The following RELCH variants were observed in gnomAD, a reference collection of about 807,000 sequenced individuals.
RELCH encodes the protein RAB11-binding protein RELCH.
A neutral mutation model predicts 150.3 loss-of-function variants in RELCH; 41 were observed. That is an observed-to-expected ratio of 0.27 (90% CI 0.21 to 0.35). The LOEUF (loss-of-function observed/expected upper bound fraction) is 0.35, where lower values mean the gene tolerates loss of function less well. RELCH is among the 10% of genes least tolerant of loss of function. The pLI, the probability that RELCH is intolerant of heterozygous loss-of-function variation, is 1.00. For synonymous variants in RELCH, 478 were observed against 531.8 expected, an observed-to-expected ratio of 0.90 and a Z score of 1.39; for missense variants, 1,092 against 1,467.8, an observed-to-expected ratio of 0.74 and a Z score of 4.18.
chr18:62,296,308 C>T (rs1296265607), intron 27 of RELCH, among the ~76,000 whole-genome samples: 2 of 152,194 alleles, frequency 1.3e-5, no homozygotes, highest in Non-Finnish European at 2.9e-5. Context: ...CAATTGGCAG[C>T]CAGGCGTGGT....
chr18:62,246,454 T>C (rs551245565), intron 11 of RELCH: 1 of 152,290 alleles, frequency 6.6e-6, no homozygotes, highest in Non-Finnish European at 1.5e-5. Context: ...TAGTGATAGG[T>C]TGACATTTCT....
chr18:62,247,896 G>C (rs746481330), intron 11 of RELCH, among the ~76,000 whole-genome samples: 6 of 152,082 alleles, frequency 3.9e-5, no homozygotes, highest in Non-Finnish European at 5.9e-5. Flanking sequence ...CCATTTGCAG[G>C]ATTGAAGGAT....
intron 28 of RELCH, among the ~76,000 whole-genome samples, chr18:62,301,689 C>G (rs1236488939): frequency 1.3e-5 from 2 of 152,100 alleles, no homozygotes; most frequent in African/African-American, 4.8e-5. Context: ...GGTGCTAATG[C>G]TGCAGGTCTA....
chr18:62,275,479 TCAAC>T lies in RELCH; in HGVS notation c.2967+7_2967+10del. On this transcript the variant is annotated splice_region_variant and intron_variant, in intron 22 of 28. Coordinates refer to ENST00000644646, the MANE Select transcript of RELCH (RefSeq NM_001346231.2). ...CTGCTGCTAGAATGTTTGAGGTATG[TCAAC>T]ACATGCCTCTGTTGGTTTCAATTAT... is the stretch of plus-strand genomic sequence containing the variant. The T allele has an allele frequency of 6.5e-7, 1 of 1,546,058 alleles. No individual in the cohort carries two copies. The highest frequency in any genetic ancestry group is 8.9e-7 in the Non-Finnish European group (1 of 1,118,850).
rs2045743294 is a variant in RELCH at position 62,303,206 on chromosome 18, G to C, written c.3531-2208G>C. Among the ~76,000 whole-genome samples the C allele has an allele frequency of 2.0e-5, 3 of 152,048 alleles. No homozygotes were observed. In the South Asian group the frequency reaches 6.2e-4, roughly 32 times the overall value. On this transcript the variant is annotated intron_variant, in intron 28 of 28. Transcript: ENST00000644646. The stretch of plus-strand genomic sequence containing the variant: ...GAAAAGCTTTGTAGTATAGACCTGG[G>C]CCTCCTACCTCAGATGGAAAGAATC...
intron 11 of RELCH, among the ~76,000 whole-genome samples, 182 bp downstream of exon 11, chr18:62,245,058 T>G (rs1030987907): frequency 1.3e-5 from 2 of 152,086 alleles, no homozygotes; most frequent in African/African-American, 4.8e-5. Context: ...CCTACGAAAA[T>G]GCATTTCAAA....
In RELCH at chr18:62,262,018, C is replaced by G. The variant is rs2043298180; in HGVS notation, c.2350+360C>G. ...ACTAGTGCCAGTATATGAAGCTTGTCATTTCTGCTTTCTTTATATTTTCTT... is the reference window on the plus strand; with the variant it reads ...ACTAGTGCCAGTATATGAAGCTTGTGATTTCTGCTTTCTTTATATTTTCTT... On this transcript the variant is annotated intron_variant, in intron 16 of 28. Coordinates refer to ENST00000644646, the MANE Select transcript of RELCH (RefSeq NM_001346231.2). Among the ~76,000 whole-genome samples, 2 of 151,958 alleles carry G rather than the reference C, an allele frequency of 1.3e-5. 1 individual carries two copies. The highest frequency in any genetic ancestry group is 4.1e-4 in the South Asian group (2 of 4,822).
chr18:62,187,611 CG>C lies in RELCH; in HGVS notation c.109del (p.Ala37GlnfsTer11). 1 of 1,532,626 alleles carries C rather than the reference CG, an allele frequency of 6.5e-7. No individual in the cohort carries two copies. Among genetic ancestry groups the C allele is most frequent in the Non-Finnish European group, 8.8e-7 (1 of 1,138,544 alleles). The allele number at this position is 1,532,626 out of a possible 1,614,324, so 94.9% of individuals were successfully genotyped here. A position where few individuals can be genotyped will look rare whatever the true frequency, so the allele number is the denominator to read the frequency against. On this transcript the variant is annotated frameshift_variant, in exon 1 of 29. Coordinates refer to ENST00000644646, the MANE Select transcript of RELCH (RefSeq NM_001346231.2). LOFTEE classifies it high-confidence loss of function. ...CGAGGTAGCTGCAACAGAGGAACGG[CG>C]GGCAGTACTTCGGCTGGGCGCCGGA... ...DDEVAATEER[R>X]AVLRLGAGSG...
At chr18:62,219,330 T>C (rs1485039397) in intron 2 of RELCH, among the ~76,000 whole-genome samples, 1 of 147,668 alleles carries the variant, frequency 6.8e-6, no homozygotes, top group East Asian at 2.0e-4. Context: ...TTTTTCTTTT[T>C]TTTTTTTTTT....
chr18:62,223,368 C>T (rs907923623), intron 5 of RELCH, among the ~76,000 whole-genome samples: 1 of 151,940 alleles, frequency 6.6e-6, no homozygotes, highest in South Asian at 2.1e-4. Flanking sequence ...TGTAAGAAGA[C>T]AACTGCCAAA....
At position 62,305,655 on chromosome 18, in the gene RELCH, C is replaced by T; in HGVS notation, c.*121C>T. The T allele has an allele frequency of 9.6e-7, 1 of 1,044,486 alleles. No homozygotes were observed. The highest frequency in any genetic ancestry group is 1.4e-6 in the Non-Finnish European group (1 of 739,082). 64.7% of individuals were successfully genotyped at this position (1,044,486 alleles called of 1,614,324 possible). On this transcript the variant is annotated 3_prime_UTR_variant, in exon 29 of 29. Coordinates refer to ENST00000644646, the MANE Select transcript of RELCH (RefSeq NM_001346231.2). The surrounding 1 kb of genome is among the most constrained non-coding windows in gnomAD (Gnocchi z 4.0). ...TATGTTCTTGCATTATAATTTTATC[C>T]TAACCTCCAAAGATATTTGCACTGC...
At chr18:62,233,286 A>T (rs2041693387) in intron 10 of RELCH, among the ~76,000 whole-genome samples, 1 of 151,866 alleles carries the variant, frequency 6.6e-6, no homozygotes, top group African/African-American at 2.4e-5. Flanking sequence ...ATAAATGAAG[A>T]CAATTTTAGA....
intron 2 of RELCH, among the ~76,000 whole-genome samples, chr18:62,213,079 A>G (rs2040266058): frequency 6.6e-6 from 1 of 152,166 alleles, no homozygotes; most frequent in Non-Finnish European, 1.5e-5. Flanking sequence ...CACATTGGTA[A>G]TATCTAAAAA....
intron 2 of RELCH, among the ~76,000 whole-genome samples, chr18:62,215,533 A>G (rs1226414697): frequency 1.3e-5 from 2 of 152,214 alleles, no homozygotes; most frequent in Non-Finnish European, 2.9e-5. Context: ...TCAAAGAGGA[A>G]GGGATCTCTA....
At chr18:62,190,902 T>C (rs1043199555) in intron 1 of RELCH, among the ~76,000 whole-genome samples, 1 of 152,228 alleles carries the variant, frequency 6.6e-6, no homozygotes, top group Non-Finnish European at 1.5e-5. Flanking sequence ...GGGGAGGGCA[T>C]AATTGCCCCA....
Position 62,231,302 on chromosome 18 carries a change from A to T in RELCH, c.1524+33A>T, listed in dbSNP as rs149751169. ...ATACCACCTATTTCCACAACTTTTT[A>T]AAAACATTCTACTGTTTTTCTTCTT... On this transcript the variant is annotated intron_variant, in intron 9 of 28. Transcript: ENST00000644646. 166 of 1,316,710 alleles carry T rather than the reference A, an allele frequency of 1.3e-4. No homozygotes were observed. The Middle Eastern group carries it at 1.5e-3, about 12-fold the overall frequency. 81.6% of individuals were successfully genotyped at this position (1,316,710 alleles called of 1,614,324 possible). A position where few individuals can be genotyped will look rare whatever the true frequency, so the allele number is the denominator to read the frequency against.
intron 21 of RELCH, 23 bp from the exon 22 acceptor site, chr18:62,275,351 C>CT: frequency 1.6e-6 from 2 of 1,261,886 alleles, no homozygotes; most frequent in South Asian, 1.4e-5. Context: ...AATTTTAACA[C>CT]TGTTTTTTTT....
chr18:62,188,174 G>T, intron 1 of RELCH, 143 bp downstream of exon 1: 1 of 994,764 alleles, frequency 1.0e-6, no homozygotes, highest in Non-Finnish European at 1.4e-6. Flanking sequence ...GCTCTTTTGC[G>T]GTGGAAGCAA....
intron 5 of RELCH, 23 bp from the exon 6 acceptor site, chr18:62,227,266 T>C (rs1339121585): frequency 3.4e-6 from 5 of 1,459,990 alleles, no homozygotes; most frequent in East Asian, 2.3e-5. Context: ...GAAGATTTTT[T>C]ATGTTTTTTT....
Sources: allele counts gnomAD v4.1 joint callset (sites outside exome capture counted in the v4.1 genomes callset), GRCh38; gene constraint gnomAD v4.1.1; non-coding constraint Gnocchi (gnomAD v3.1); transcripts MANE v1.5; gene names NCBI Gene and HGNC (gene_info 2026-07-23, HGNC 2026-07-21).